SND1: variants seen among roughly 807,000 people sequenced by gnomAD.
The protein encoded by SND1 is staphylococcal nuclease domain-containing protein 1.
A neutral mutation model predicts 121.7 loss-of-function variants in SND1; 38 were observed. That is an observed-to-expected ratio of 0.31 (90% CI 0.24 to 0.41). SND1 has a LOEUF of 0.41. SND1 is among the 10% of genes least tolerant of loss of function. The pLI, the probability that SND1 is intolerant of heterozygous loss-of-function variation, is 1.00. For missense variants in SND1, 868 were observed against 1,184.6 expected (o/e 0.73, Z 3.92); for synonymous variants, 401 against 447.4 (o/e 0.90, Z 1.31).
chr7:127,867,866 A>T (rs1038944642), intron 12 of SND1, among the ~76,000 whole-genome samples: 2 of 150,944 alleles, frequency 1.3e-5, no homozygotes, highest in Non-Finnish European at 2.9e-5. Flanking sequence ...CCATGTTTAT[A>T]TTTACATTCC....
Position 128,092,249 on chromosome 7 carries a change from C to G in SND1, c.*191C>G, listed in dbSNP as rs922841917. On this transcript the variant is annotated 3_prime_UTR_variant, in exon 24 of 24. Transcript: ENST00000354725. This position sits in a 1 kb window ranked among gnomAD's most constrained non-coding sequence, Gnocchi z 4.9. ...GACCCCAAGGCTTTCTGGGGCAGACCCTTGTCCTCTGGGATGATGGGCACT... is the reference window on the plus strand; with the variant it reads ...GACCCCAAGGCTTTCTGGGGCAGACGCTTGTCCTCTGGGATGATGGGCACT... 7 of 608,190 alleles carry G rather than the reference C, an allele frequency of 1.2e-5. No homozygotes were observed. The African/African-American group carries it at 1.3e-4, about 11-fold the overall frequency. The allele number at this position is 608,190 out of a possible 1,614,324, so 37.7% of individuals were successfully genotyped here.
intron 15 of SND1, among the ~76,000 whole-genome samples, chr7:127,947,410 G>A (rs1263377721): frequency 6.6e-6 from 1 of 152,196 alleles, no homozygotes; most frequent in Non-Finnish European, 1.5e-5. Flanking sequence ...TGAGTCAGAA[G>A]TATGGCAAAA....
chr7:128,060,692 TG>T (rs1264842626), intron 16 of SND1, among the ~76,000 whole-genome samples: 1 of 151,650 alleles, frequency 6.6e-6, no homozygotes, highest in Non-Finnish European at 1.5e-5. Context: ...AGGGGTGGGG[TG>T]GTAGTGGCAG....
At chr7:127,663,188 C>T (rs998839422) in intron 1 of SND1, among the ~76,000 whole-genome samples, 2 of 152,000 alleles carry the variant, frequency 1.3e-5, no homozygotes, top group Non-Finnish European at 1.5e-5. Flanking sequence ...TGCCCAGCCT[C>T]CTGTATGCTT....
At chr7:127,773,734 G>A (rs1797561694) in intron 10 of SND1, among the ~76,000 whole-genome samples, 1 of 152,102 alleles carries the variant, frequency 6.6e-6, no homozygotes, top group Non-Finnish European at 1.5e-5. Context: ...TCGCAGAAGA[G>A]ATCTTAAAAT....
chr7:127,790,540 T>C (rs1797888884), intron 10 of SND1, among the ~76,000 whole-genome samples: 1 of 152,216 alleles, frequency 6.6e-6, no homozygotes, highest in Admixed American at 6.5e-5. Context: ...CAAGGGTCTC[T>C]CAATTTCTTT....
At chr7:127,681,647 G>A (rs942799897) in intron 1 of SND1, among the ~76,000 whole-genome samples, 3 of 152,008 alleles carry the variant, frequency 2.0e-5, no homozygotes, top group African/African-American at 7.2e-5. Context: ...TCCTTTTTGA[G>A]TTATCTTTTG....
intron 16 of SND1, among the ~76,000 whole-genome samples, chr7:128,016,721 A>G (rs1304770205): frequency 1.2e-4 from 19 of 152,250 alleles, no homozygotes; most frequent in Admixed American, 1.2e-3. Context: ...ACAGCAGTCA[A>G]TTTCTTGTTC....
At chr7:127,783,169 T>A (rs1797753238) in intron 10 of SND1, among the ~76,000 whole-genome samples, 1 of 152,198 alleles carries the variant, frequency 6.6e-6, no homozygotes, top group South Asian at 2.1e-4. Context: ...TTCATTTGGG[T>A]ATGTAGAGCC....
intron 16 of SND1, among the ~76,000 whole-genome samples, chr7:128,070,423 C>T (rs1013285229): frequency 6.6e-6 from 1 of 152,246 alleles, no homozygotes; most frequent in African/African-American, 2.4e-5. Context: ...AGCCTGCTCC[C>T]AGCCTTCTAG....
intron 17 of SND1, among the ~76,000 whole-genome samples, chr7:128,075,499 G>A (rs929402410): frequency 1.3e-5 from 2 of 152,222 alleles, no homozygotes; most frequent in Admixed American, 1.3e-4. Context: ...GCCAAAAAGA[G>A]TCGGGGGCTT....
chr7:127,911,795 C>T (rs367912810), intron 14 of SND1, among the ~76,000 whole-genome samples: 22 of 152,190 alleles, frequency 1.4e-4, no homozygotes, highest in African/African-American at 3.1e-4. Context: ...CCACTGCATC[C>T]GGCCCTCTTT....
At chr7:127,870,075 C>G (rs967466775) in intron 12 of SND1, among the ~76,000 whole-genome samples, 4 of 152,252 alleles carry the variant, frequency 2.6e-5, no homozygotes, top group African/African-American at 7.2e-5. Flanking sequence ...AGTTCTAGCC[C>G]AGGTCCATCA....
chr7:127,839,760 G>A (rs545532850), intron 11 of SND1, among the ~76,000 whole-genome samples: 5 of 152,264 alleles, frequency 3.3e-5, no homozygotes, highest in Admixed American at 2.6e-4. Flanking sequence ...TTACCTTTGA[G>A]AACCTCTTTG....
chr7:127,873,562 G>A (rs1318313867), intron 12 of SND1, among the ~76,000 whole-genome samples: 1 of 152,142 alleles, frequency 6.6e-6, no homozygotes, highest in Non-Finnish European at 1.5e-5. Context: ...CCCTGGGCCT[G>A]GGCTCCGGTG....
rs150086623 is a variant in SND1, at chr7:127,738,045, A to G, written c.1152+16645A>G. ...ACAGTAATCCAACCCAGAAGTGACT[A>G]TAACTCTATATGGTTAGCATGTATA... On this transcript the variant is annotated intron_variant, in intron 10 of 23. Transcript: ENST00000354725. Among the ~76,000 whole-genome samples the G allele has an allele frequency of 9.6e-4, 147 of 152,340 alleles. 1 individual carries two copies. The highest frequency in any genetic ancestry group is 3.4e-3 in the Middle Eastern group (1 of 294).
At chr7:127,696,725 A>G (rs1313350837) in intron 3 of SND1, among the ~76,000 whole-genome samples, 1 of 152,222 alleles carries the variant, frequency 6.6e-6, no homozygotes, top group African/African-American at 2.4e-5. Flanking sequence ...TTATTTTAAG[A>G]GAAGCTGATA....
chr7:128,054,508 A>G (rs903111644), intron 16 of SND1, among the ~76,000 whole-genome samples: 7 of 152,244 alleles, frequency 4.6e-5, no homozygotes, highest in Admixed American at 4.6e-4. Context: ...ATTGTTCTGC[A>G]TAGCAGATAT....
At chr7:127,704,625 C>G (rs1227460769) in intron 7 of SND1, among the ~76,000 whole-genome samples, 1 of 152,248 alleles carries the variant, frequency 6.6e-6, no homozygotes, top group Non-Finnish European at 1.5e-5. Flanking sequence ...TGTGGGGATA[C>G]GAAGCCAAGG....
Sources: gnomAD v4.1 joint callset for allele counts (sites outside exome capture counted in the v4.1 genomes callset) on GRCh38, gnomAD v4.1.1 for gene constraint, Gnocchi (gnomAD v3.1) non-coding constraint, MANE v1.5 for transcripts, NCBI Gene and HGNC (gene_info 2026-07-23, HGNC 2026-07-21) for gene names.